The following FBXL14 variants were observed in gnomAD, a reference collection of about 807,000 sequenced individuals.
FBXL14 encodes the protein F-box/LRR-repeat protein 14.
FBXL14 carries 11 observed loss-of-function variants against 24.5 expected under a neutral mutation model. The ratio of observed to expected loss-of-function variants is 0.45; its 90% CI spans 0.28 to 0.74. FBXL14 has a LOEUF of 0.74. Among genes scored for constraint, FBXL14 ranks in the 30% least tolerant of loss-of-function variants. The pLI, the probability that FBXL14 is intolerant of heterozygous loss-of-function variation, is 0.12. For missense variants in FBXL14, 384 were observed against 545.6 expected (o/e 0.70, Z 2.95); for synonymous variants, 294 against 240.4 (o/e 1.22, Z -2.06).
chr12:1,582,247 G>T (rs112806429), intron 1 of FBXL14, among the ~76,000 whole-genome samples: 2,714 of 149,252 alleles, frequency 0.018, 94 homozygotes, highest in African/African-American at 0.064. Flanking sequence ...GAAAGAAAAA[G>T]AAAAGAAAAG....
At chr12:1,578,649 T>TAAAAC (rs2094460439) in intron 1 of FBXL14, among the ~76,000 whole-genome samples, 1 of 151,940 alleles carries the variant, frequency 6.6e-6, no homozygotes, top group South Asian at 2.1e-4. Flanking sequence ...TAAAATAAAA[T>TAAAAC]AAAACAATGG....
chr12:1,589,248 AAAT>A (rs1432750852), intron 1 of FBXL14, among the ~76,000 whole-genome samples: 1 of 150,182 alleles, frequency 6.7e-6, no homozygotes, highest in African/African-American at 2.5e-5. Flanking sequence ...AAAAAAAAAA[AAAT>A]AGCCAGCCAT....
Position 1,591,558 on chromosome 12 carries a change from TAAC to T in FBXL14, c.1194+1312_1194+1314del, listed in dbSNP as rs368855370. On this transcript the variant is annotated intron_variant, in intron 1 of 1. Transcript: ENST00000339235. ...GTTGCTGTGGAGGGTTCTAAAGAAA[TAAC>T]AACAAAAATCCAACGAAAATATACA... 2.4e-3 allele frequency among the ~76,000 whole-genome samples: 367 copies of T among 152,174 alleles called. 4 individuals carry two copies. Among genetic ancestry groups the T allele is most frequent in the Non-Finnish European group, 3.9e-3 (264 of 67,994 alleles).
Position 1,594,533 on chromosome 12 carries a change from C to G in FBXL14, c.-467G>C, listed in dbSNP as rs1015075538. Among the ~76,000 whole-genome samples the G allele has an allele frequency of 1.5e-4, 22 of 147,934 alleles. No homozygotes were observed. Among genetic ancestry groups the G allele is most frequent in the South Asian group, 2.1e-4 (1 of 4,818 alleles). On this transcript the variant is annotated 5_prime_UTR_variant, in exon 1 of 2. Coordinates refer to ENST00000339235, the MANE Select transcript of FBXL14 (RefSeq NM_152441.3). ...GCCCCGGGGGCCGGGCGCACGGGCT[C>G]CGGGCGCGGAGGAGGCTTCCTGCTG...
intron 1 of FBXL14, among the ~76,000 whole-genome samples, chr12:1,573,478 G>A (rs959960612): frequency 2.6e-5 from 4 of 152,286 alleles, no homozygotes; most frequent in Admixed American, 6.5e-5. Flanking sequence ...CCCCAGCCAC[G>A]CACGACTAGG....
chr12:1,590,786 C>T (rs957831026), intron 1 of FBXL14, among the ~76,000 whole-genome samples: 7 of 152,156 alleles, frequency 4.6e-5, no homozygotes, highest in African/African-American at 1.7e-4. Context: ...TTGAGCTGCC[C>T]TCCTCCTCTC....
intron 1 of FBXL14, among the ~76,000 whole-genome samples, chr12:1,576,572 T>C (rs948315250): frequency 6.6e-6 from 1 of 152,218 alleles, no homozygotes; most frequent in African/African-American, 2.4e-5. Context: ...AGCCCAGCTC[T>C]GTAAAGCAGC....
intron 1 of FBXL14, 113 bp downstream of exon 1, chr12:1,592,760 C>T: frequency 2.1e-6 from 2 of 937,988 alleles, no homozygotes; most frequent in South Asian, 1.8e-5. Context: ...AGCCCCATCT[C>T]ATCCGCTGCA....
At chr12:1,576,584 A>G (rs1315445022) in intron 1 of FBXL14, among the ~76,000 whole-genome samples, 4 of 152,256 alleles carry the variant, frequency 2.6e-5, no homozygotes, top group African/African-American at 4.8e-5. Context: ...TAAAGCAGCA[A>G]TTCCCAACTA....
At chr12:1,592,186 A>ATATG (rs922866920) in intron 1 of FBXL14, among the ~76,000 whole-genome samples, 1 of 145,924 alleles carries the variant, frequency 6.9e-6, no homozygotes, top group Non-Finnish European at 1.5e-5. Context: ...CCAGACATAT[A>ATATG]TATGTATATA....
chr12:1,570,550 T>TGG (rs2094443710), intron 1 of FBXL14, among the ~76,000 whole-genome samples: 1 of 152,192 alleles, frequency 6.6e-6, no homozygotes, highest in Non-Finnish European at 1.5e-5. Flanking sequence ...CCTGCTGAGC[T>TGG]GACGCTGATT....
At chr12:1,584,413 G>C (rs2094472575) in intron 1 of FBXL14, among the ~76,000 whole-genome samples, 2 of 152,188 alleles carry the variant, frequency 1.3e-5, no homozygotes, top group South Asian at 4.1e-4. Flanking sequence ...ACGTTAATGA[G>C]TTTCTGCAGT....
intron 1 of FBXL14, among the ~76,000 whole-genome samples, chr12:1,586,261 A>T (rs2094476263): frequency 6.6e-6 from 1 of 150,684 alleles, no homozygotes; most frequent in Admixed American, 6.6e-5. Flanking sequence ...TTTAAGGCTG[A>T]GGTAGAAAGA....
intron 1 of FBXL14, among the ~76,000 whole-genome samples, chr12:1,583,123 T>C (rs558440334): frequency 6.8e-6 from 1 of 147,454 alleles, no homozygotes. Flanking sequence ...TAATAAAAAT[T>C]AAAAAAAATT....
At chr12:1,571,768 T>C (rs1448232992) in intron 1 of FBXL14, among the ~76,000 whole-genome samples, 2 of 152,208 alleles carry the variant, frequency 1.3e-5, no homozygotes, top group African/African-American at 4.8e-5. Flanking sequence ...AAGTCACTAC[T>C]AATAGCTCAG....
rs1379828803 is a variant in FBXL14 at position 1,579,632 on chromosome 12, T to C, written c.1195-12822A>G. On this transcript the variant is annotated intron_variant, in intron 1 of 1. Transcript: ENST00000339235. The surrounding 1 kb of genome is among the most constrained non-coding windows in gnomAD (Gnocchi z 4.3). Reference sequence around the variant, plus strand: ...CATTTAAAAAAAAAAAAAAATGTAGTTATCAATTTTTTGTTTTTGACCAAA... The same window carrying C: ...CATTTAAAAAAAAAAAAAAATGTAGCTATCAATTTTTTGTTTTTGACCAAA... 1.3e-5 allele frequency among the ~76,000 whole-genome samples: 2 copies of C among 151,806 alleles called. No individual in the cohort carries two copies. The highest frequency in any genetic ancestry group is 2.9e-5 in the Non-Finnish European group (2 of 67,960).
chr12:1,566,443 G>A lies in FBXL14; in HGVS notation c.*305C>T, dbSNP rs539702229. 1.2e-4 allele frequency: 34 copies of A among 290,228 alleles called. No homozygotes were observed. Among genetic ancestry groups the A allele is most frequent in the Non-Finnish European group, 1.8e-4 (28 of 157,340 alleles). The allele number at this position is 290,228 out of a possible 1,614,324, so 18.0% of individuals were successfully genotyped here. ...AGTGTGGAACTTGTAGTTTCCTGTCGAAGAAGCTTGCAAATTGCAATTCCA... is the reference window on the plus strand; with the variant it reads ...AGTGTGGAACTTGTAGTTTCCTGTCAAAGAAGCTTGCAAATTGCAATTCCA... On this transcript the variant is annotated 3_prime_UTR_variant, in exon 2 of 2. Transcript: ENST00000339235.
intron 1 of FBXL14, among the ~76,000 whole-genome samples, chr12:1,580,518 A>G (rs2094464135): frequency 6.6e-6 from 1 of 152,084 alleles, no homozygotes; most frequent in Non-Finnish European, 1.5e-5. Context: ...AACAGGACCA[A>G]ATGGAAAACA....
rs767615023 is a variant in FBXL14 at position 1,593,248 on chromosome 12, A to G, written c.819T>C (p.His273=). 5.0e-6 allele frequency: 8 copies of G among 1,612,452 alleles called. No homozygotes were observed. The highest frequency in any genetic ancestry group is 1.7e-5 in the Admixed American group (1 of 59,972). ...CDNISDTGIM[H]LAMGSLRLSG... Reference sequence around the variant, plus strand: ...AGAGGCGCAGGCTGCCCATGGCCAGATGCATGATGCCCGTGTCACTGATGT... The same window carrying G: ...AGAGGCGCAGGCTGCCCATGGCCAGGTGCATGATGCCCGTGTCACTGATGT... The change falls in exon 1 of 2, where the codon CAT becomes CAC. Residue 273 remains histidine (H), a synonymous_variant. Transcript: ENST00000339235. This position sits in a 1 kb window ranked among gnomAD's most constrained non-coding sequence, Gnocchi z 7.4.
Sources: gnomAD v4.1 joint callset for allele counts (sites outside exome capture counted in the v4.1 genomes callset) on GRCh38, gnomAD v4.1.1 for gene constraint, Gnocchi (gnomAD v3.1) non-coding constraint, MANE v1.5 for transcripts, NCBI Gene and HGNC (gene_info 2026-07-23, HGNC 2026-07-21) for gene names.